KDM5A: variants seen among roughly 807,000 people sequenced by gnomAD.
KDM5A encodes lysine demethylase 5A.
A neutral mutation model predicts 193.5 loss-of-function variants in KDM5A; 42 were observed. The ratio of observed to expected loss-of-function variants is 0.22; its 90% CI spans 0.17 to 0.28. KDM5A has a LOEUF of 0.28. Ranked by LOEUF, KDM5A falls within the 10% of genes least tolerant of loss-of-function variation. KDM5A has a pLI of 1.00. For synonymous variants in KDM5A, 796 were observed against 718.1 expected (o/e 1.11, Z -1.73); for missense variants, 1,692 against 2,055.1 (o/e 0.82, Z 3.42).
chr12:376,030 G>A (rs1399973664), intron 3 of KDM5A, among the ~76,000 whole-genome samples: 1 of 152,218 alleles, frequency 6.6e-6, no homozygotes, highest in Non-Finnish European at 1.5e-5. Context: ...GGGGGTCAGG[G>A]ACCCACATAA....
At chr12:376,561 A>T (rs933197638) in intron 3 of KDM5A, among the ~76,000 whole-genome samples, 7 of 152,118 alleles carry the variant, frequency 4.6e-5, no homozygotes, top group African/African-American at 1.4e-4. Flanking sequence ...GCTTTGGCAC[A>T]CGCTCGGTGG....
chr12:315,676 T>C (rs1318786774), intron 19 of KDM5A, among the ~76,000 whole-genome samples: 1 of 151,398 alleles, frequency 6.6e-6, no homozygotes, highest in Admixed American at 6.6e-5. Flanking sequence ...ACTGGGGAAA[T>C]ATAATCAGCA....
rs909246943 is a variant in KDM5A at position 323,713 on chromosome 12, G to A, written c.2037C>T (p.Cys679=). 28 of 1,613,868 alleles carry A rather than the reference G, an allele frequency of 1.7e-5. No homozygotes were observed. The African/African-American group carries it at 3.2e-4, about 18-fold the overall frequency. Residue 679 remains cysteine, a synonymous_variant, in exon 15 of 28, where the codon TGC becomes TGT. Transcript: ENST00000399788. Reference sequence around the variant, plus strand: ...GAGCAGAGAGAAAACATGTGGTTCTGCATGCTGAACACTGCCGCTCATCAT... The same window carrying A: ...GAGCAGAGAGAAAACATGTGGTTCTACATGCTGAACACTGCCGCTCATCAT... The part of the protein sequence containing the change: ...VPDDERQCSA[C]RTTCFLSALT...
In KDM5A at chr12:312,894, A is replaced by G. The variant is rs192958094; in HGVS notation, c.3036+162T>C. On this transcript the variant is annotated intron_variant, in intron 20 of 27. Coordinates refer to ENST00000399788, the MANE Select transcript of KDM5A (RefSeq NM_001042603.3). ...TCGAAACACAGTTTCTACTCAATGC[A>G]TATCACTTTCGCACCATCATAAAGT... 4.6e-5 allele frequency among the ~76,000 whole-genome samples: 7 copies of G among 152,358 alleles called. No individual in the cohort carries two copies. The East Asian group carries it at 1.2e-3, about 25-fold the overall frequency.
chr12:362,586 G>A (rs1260797184), intron 5 of KDM5A, among the ~76,000 whole-genome samples: 1 of 151,980 alleles, frequency 6.6e-6, no homozygotes, highest in African/African-American at 2.4e-5. Context: ...CAGTATCCGG[G>A]GTCACCCTCT....
At position 285,083 on chromosome 12, in the gene KDM5A, T is replaced by G; in HGVS notation, c.*373A>C. On this transcript the variant is annotated 3_prime_UTR_variant, in exon 28 of 28. Transcript: ENST00000399788. The stretch of plus-strand genomic sequence containing the variant: ...ACCTTCAGTTGGTGCTGCTCCTAAG[T>G]TGTAAGCCTCTAACTACTATCAGCT... 1 of 323,024 alleles carries G rather than the reference T, an allele frequency of 3.1e-6. No individual in the cohort carries two copies. Among genetic ancestry groups the G allele is most frequent in the Non-Finnish European group, 5.8e-6 (1 of 173,564 alleles). The allele number at this position is 323,024 out of a possible 1,614,324, so 20.0% of individuals were successfully genotyped here.
chr12:371,630 T>C (rs1466527451), intron 3 of KDM5A, among the ~76,000 whole-genome samples: 3 of 152,228 alleles, frequency 2.0e-5, no homozygotes, highest in Non-Finnish European at 2.9e-5. Context: ...TTTGTCTATT[T>C]TGGCTTTTGT....
In KDM5A at chr12:307,162, A is replaced by T; in HGVS notation, c.3931-73T>A. On this transcript the variant is annotated intron_variant, in intron 23 of 27. Transcript: ENST00000399788. This position sits in a 1 kb window ranked among gnomAD's most constrained non-coding sequence, Gnocchi z 4.3. ...ACAGGGTAATTAATGTGTGCTTAAGATCACCAAAATGTAATGAATAAGCAA... is the reference window on the plus strand; with the variant it reads ...ACAGGGTAATTAATGTGTGCTTAAGTTCACCAAAATGTAATGAATAAGCAA... 6.4e-7 allele frequency: 1 copy of T among 1,560,500 alleles called. No individual in the cohort carries two copies. The highest frequency in any genetic ancestry group is 8.8e-7 in the Non-Finnish European group (1 of 1,133,960).
At chr12:331,993 G>C in intron 12 of KDM5A, 55 bp from the exon 13 acceptor site, 1 of 1,509,864 alleles carries the variant, frequency 6.6e-7, no homozygotes, top group Non-Finnish European at 9.1e-7. Context: ...ATAACAAACA[G>C]AGGAAGACAG....
intron 18 of KDM5A, among the ~76,000 whole-genome samples, chr12:319,793 G>A (rs556182825): frequency 1.1e-3 from 161 of 152,186 alleles, no homozygotes; most frequent in African/African-American, 3.6e-3. Context: ...CCTTTAAGAT[G>A]CCTTTTAGTC....
chr12:365,879 G>A, intron 4 of KDM5A, 55 bp downstream of exon 4: 1 of 1,575,054 alleles, frequency 6.3e-7, no homozygotes, highest in Non-Finnish European at 8.7e-7. Flanking sequence ...TCTAAAGTTT[G>A]TACTTGGGCA....
chr12:378,323 T>C (rs1944533216), intron 3 of KDM5A, among the ~76,000 whole-genome samples: 1 of 152,068 alleles, frequency 6.6e-6, no homozygotes, highest in Non-Finnish European at 1.5e-5. Flanking sequence ...GGTGGTGCAA[T>C]CAGAGGTCAC....
intron 1 of KDM5A, 28 bp downstream of exon 1, chr12:388,899 C>A (rs769393174): frequency 1.2e-6 from 2 of 1,612,862 alleles, no homozygotes; most frequent in Middle Eastern, 1.7e-4. Context: ...TCTTCCTTCT[C>A]CCCCTCTCTC....
chr12:361,029 C>T (rs181017658), intron 5 of KDM5A, among the ~76,000 whole-genome samples: 37 of 152,154 alleles, frequency 2.4e-4, no homozygotes, highest in African/African-American at 8.2e-4. Context: ...TATTTTCTTT[C>T]TGAAATAGAA....
At chr12:320,845 G>T in intron 18 of KDM5A, 150 bp downstream of exon 18, 1 of 639,546 alleles carries the variant, frequency 1.6e-6, no homozygotes. Flanking sequence ...CCAAAAAACT[G>T]CCTACTAAAG....
intron 9 of KDM5A, 143 bp from the exon 10 acceptor site, chr12:350,922 C>G: frequency 1.3e-6 from 1 of 741,426 alleles, no homozygotes; most frequent in Non-Finnish European, 2.2e-6. Flanking sequence ...GACCGAGATC[C>G]TAGCTTTTTC....
At chr12:312,991 T>C (rs1483178393) in intron 20 of KDM5A, 65 bp downstream of exon 20, 2 of 1,482,154 alleles carry the variant, frequency 1.3e-6, no homozygotes, top group African/African-American at 2.8e-5. Context: ...GAATTAATAG[T>C]TTAAAAGATT....
chr12:318,146 CAG>C lies in KDM5A; in HGVS notation c.2855_2856del (p.Ser952Ter). The C allele has an allele frequency of 6.2e-7, 1 of 1,614,248 alleles. No individual in the cohort carries two copies. Among genetic ancestry groups the C allele is most frequent in the Non-Finnish European group, 8.5e-7 (1 of 1,180,038 alleles). ...ACCTTAGCCTTTTCTTCCCATCGTTCAGAGACTGTAAGGAGCTCCTGTAGTTC... is the reference window on the plus strand; with the variant it reads ...ACCTTAGCCTTTTCTTCCCATCGTTCAGACTGTAAGGAGCTCCTGTAGTTC... ...MAELQELLTV[S>X]ERWEEKAKVC... On this transcript the variant is annotated frameshift_variant, in exon 19 of 28. Coordinates refer to ENST00000399788, the MANE Select transcript of KDM5A (RefSeq NM_001042603.3). LOFTEE classifies it high-confidence loss of function.
In KDM5A at chr12:322,404, T is replaced by C. The variant is rs773180818; in HGVS notation, c.2426+13A>G. On this transcript the variant is annotated intron_variant, in intron 17 of 27. Coordinates refer to ENST00000399788, the MANE Select transcript of KDM5A (RefSeq NM_001042603.3). ...AGGAAAACACTGGAGAATTAAACTC[T>C]TCTTAGGTTTACCTGTGTTTCTGCT... is the stretch of plus-strand genomic sequence containing the variant. The C allele has an allele frequency of 3.7e-6, 6 of 1,609,812 alleles. No homozygotes were observed. In the East Asian group the frequency reaches 8.9e-5, roughly 24 times the overall value.
Sources: gnomAD v4.1 joint callset for allele counts (sites outside exome capture counted in the v4.1 genomes callset) on GRCh38, gnomAD v4.1.1 for gene constraint, Gnocchi (gnomAD v3.1) non-coding constraint, MANE v1.5 for transcripts, NCBI Gene and HGNC (gene_info 2026-07-23, HGNC 2026-07-21) for gene names.